GALNT17: variants seen among roughly 807,000 people sequenced by gnomAD.
GALNT17 encodes the protein UDP-GalNAc:polypeptide N-acetylgalactosaminyltransferase-like 3.
Under a neutral mutation model 63.7 loss-of-function variants are expected in GALNT17, and 29 were observed. The ratio of observed to expected loss-of-function variants is 0.46; its 90% CI spans 0.34 to 0.62. GALNT17 has a LOEUF of 0.62. GALNT17 is among the 20% of genes least tolerant of loss of function. The pLI is 0.01. For synonymous variants in GALNT17, 305 were observed against 318.3 expected, an observed-to-expected ratio of 0.96 and a Z score of 0.45; for missense variants, 603 against 799.6, an observed-to-expected ratio of 0.75 and a Z score of 2.97.
chr7:71,675,361 T>C (rs910598763), intron 8 of GALNT17, among the ~76,000 whole-genome samples: 1 of 152,196 alleles, frequency 6.6e-6, no homozygotes, highest in African/African-American at 2.4e-5. Flanking sequence ...TACTGAATGA[T>C]AGATTTGATT....
intron 1 of GALNT17, among the ~76,000 whole-genome samples, chr7:71,283,460 A>G (rs1313123366): frequency 6.6e-6 from 1 of 151,978 alleles, no homozygotes; most frequent in Non-Finnish European, 1.5e-5. Context: ...ATAAATAAAA[A>G]TAATAGTTAA....
chr7:71,351,280 A>T (rs943098673), intron 2 of GALNT17, among the ~76,000 whole-genome samples: 2 of 152,132 alleles, frequency 1.3e-5, no homozygotes, highest in African/African-American at 4.8e-5. Context: ...GATACTGGCC[A>T]ATTGTTTGAG....
chr7:71,464,098 C>A (rs1787497328), intron 5 of GALNT17, among the ~76,000 whole-genome samples: 1 of 152,092 alleles, frequency 6.6e-6, no homozygotes, highest in African/African-American at 2.4e-5. Flanking sequence ...ACCCAACCTC[C>A]AAGTCTTTTC....
chr7:71,132,547 G>T lies in GALNT17; in HGVS notation c.-256G>T. The T allele has an allele frequency of 2.0e-6, 1 of 488,284 alleles. No individual in the cohort carries two copies. The highest frequency in any genetic ancestry group is 3.6e-6 in the Non-Finnish European group (1 of 276,982). 30.2% of individuals were successfully genotyped at this position (488,284 alleles called of 1,614,324 possible). On this transcript the variant is annotated 5_prime_UTR_variant, in exon 1 of 11. Coordinates refer to ENST00000333538, the MANE Select transcript of GALNT17 (RefSeq NM_022479.3). ...CGGAGACGCCTGGACGGGGCCGTGC[G>T]CCGTGGACTGAGCAGGCGTCTCGGG...
chr7:71,669,510 C>CA (rs1791034829), intron 7 of GALNT17, among the ~76,000 whole-genome samples: 2 of 147,644 alleles, frequency 1.4e-5, no homozygotes, highest in African/African-American at 2.5e-5. Context: ...GACTGTGACT[C>CA]AAAAAACAAA....
intron 2 of GALNT17, among the ~76,000 whole-genome samples, chr7:71,348,611 C>G (rs1042246112): frequency 6.6e-6 from 1 of 152,128 alleles, no homozygotes; most frequent in Non-Finnish European, 1.5e-5. Context: ...TTCACATTCC[C>G]CAGATGTAGA....
chr7:71,463,732 G>A (rs1356760235), intron 5 of GALNT17, among the ~76,000 whole-genome samples: 3 of 152,118 alleles, frequency 2.0e-5, no homozygotes, highest in Non-Finnish European at 2.9e-5. Context: ...GGTAACTTCC[G>A]GGCATTGCCA....
intron 1 of GALNT17, among the ~76,000 whole-genome samples, chr7:71,216,234 TGAA>T (rs942648940): frequency 2.0e-5 from 3 of 151,220 alleles, no homozygotes; most frequent in Admixed American, 6.6e-5. Context: ...CACCAAAACA[TGAA>T]GAGAGAGAGA....
rs1178383094 is a variant in GALNT17 at position 71,421,053 on chromosome 7, A to G, written c.910A>G (p.Ile304Val). The G allele has an allele frequency of 1.4e-5, 22 of 1,614,020 alleles. No individual in the cohort carries two copies. Among genetic ancestry groups the G allele is most frequent in the Non-Finnish European group, 1.8e-5 (21 of 1,180,012 alleles). The change falls in exon 5 of 11, where the codon ATC (isoleucine) becomes GTC (valine). Residue 304 changes from isoleucine (I) to valine (V), a missense_variant. Physicochemically the swap from Ile to Val is conservative, Grantham distance 29. Around this residue, in one of 3 missense-constraint regions of GALNT17, gnomAD observed 336 missense variants for 507.8 expected, o/e 0.66. Transcript: ENST00000333538. ...GYSWELWCMY[I>V]SPPKDWWDAG... ...CAGCTGGGAGCTGTGGTGCATGTAC[A>G]TCAGCCCCCCAAAAGACTGGTGGGA...
intron 6 of GALNT17, among the ~76,000 whole-genome samples, chr7:71,583,753 AC>A (rs1472251951): frequency 5.4e-4 from 2 of 3,674 alleles, no homozygotes; most frequent in Non-Finnish European, 2.3e-3. Flanking sequence ...ACACACACAC[AC>A]ACACACCACA....
chr7:71,196,800 C>T (rs1292620230), intron 1 of GALNT17, among the ~76,000 whole-genome samples: 4 of 151,824 alleles, frequency 2.6e-5, no homozygotes, highest in South Asian at 2.1e-4. Context: ...ACTACAGGTG[C>T]GCGCAATGAT....
intron 5 of GALNT17, among the ~76,000 whole-genome samples, chr7:71,564,436 A>G (rs1789307109): frequency 6.6e-6 from 1 of 151,042 alleles, no homozygotes; most frequent in African/African-American, 2.4e-5. Context: ...ACAGGTGCCT[A>G]CTACCACGCC....
chr7:71,509,825 G>A (rs535137058), intron 5 of GALNT17, among the ~76,000 whole-genome samples: 395 of 152,286 alleles, frequency 2.6e-3, no homozygotes, highest in African/African-American at 8.9e-3. Context: ...CCAGAGAAAC[G>A]GGATGCAGCA....
rs1182992761 is a variant in GALNT17 at position 71,219,884 on chromosome 7, C to T, written c.238+86844C>T. ...GTGCATTGTGGTGGTAAGAGGAAGC[C>T]AATGGTTCTCACTGGTAGGTGCTCT... On this transcript the variant is annotated intron_variant, in intron 1 of 10. Coordinates refer to ENST00000333538, the MANE Select transcript of GALNT17 (RefSeq NM_022479.3). 2.0e-5 allele frequency among the ~76,000 whole-genome samples: 3 copies of T among 152,116 alleles called. No homozygotes were observed. The East Asian group carries it at 5.8e-4, about 29-fold the overall frequency.
chr7:71,613,112 C>T (rs1254742083), intron 6 of GALNT17, among the ~76,000 whole-genome samples: 3 of 152,134 alleles, frequency 2.0e-5, no homozygotes, highest in Admixed American at 6.5e-5. Flanking sequence ...ATTGCATTCC[C>T]AGCAGTTCAG....
At chr7:71,437,099 ACC>A (rs1438778940) in intron 5 of GALNT17, among the ~76,000 whole-genome samples, 1 of 152,212 alleles carries the variant, frequency 6.6e-6, no homozygotes, top group Non-Finnish European at 1.5e-5. Flanking sequence ...GAAGGTAATT[ACC>A]GTTGCTGACC....
chr7:71,660,963 A>T (rs1327822214), intron 6 of GALNT17, among the ~76,000 whole-genome samples: 2 of 152,172 alleles, frequency 1.3e-5, no homozygotes, highest in Non-Finnish European at 2.9e-5. Context: ...TTGCACAGCC[A>T]TGCCGCCACT....
At chr7:71,352,295 G>A (rs1340409800) in intron 2 of GALNT17, among the ~76,000 whole-genome samples, 2 of 152,170 alleles carry the variant, frequency 1.3e-5, no homozygotes, top group Non-Finnish European at 2.9e-5. Context: ...GGAGCTGTGA[G>A]TCCATGAAAC....
intron 2 of GALNT17, among the ~76,000 whole-genome samples, chr7:71,344,508 T>C (rs73358163): frequency 0.019 from 2,963 of 152,224 alleles, 79 homozygotes; most frequent in African/African-American, 0.068. Context: ...ACATTTTCAG[T>C]AGATGCCAGT....
Sources: gnomAD v4.1 joint callset for allele counts (sites outside exome capture counted in the v4.1 genomes callset) on GRCh38, gnomAD v4.1.1 for gene constraint, gnomAD v4.1.1 regional missense constraint, MANE v1.5 for transcripts, NCBI Gene and HGNC (gene_info 2026-07-23, HGNC 2026-07-21) for gene names.